Variants in CIB1 observed in about 807,000 individuals in gnomAD.
CIB1 encodes the protein calcium and integrin binding 1.
A neutral mutation model predicts 25.0 loss-of-function variants in CIB1; 19 were observed. That is an observed-to-expected ratio of 0.76 (90% CI 0.53 to 1.12). The LOEUF (loss-of-function observed/expected upper bound fraction) is 1.12, where lower values mean the gene tolerates loss of function less well. Among genes scored for constraint, CIB1 ranks in the 50% most tolerant of loss-of-function variants. The probability of loss-of-function intolerance (pLI) is 0.00; values close to 1 mark genes in which losing one functional copy is unlikely to be tolerated. For missense variants in CIB1, 236 were observed against 242.6 expected (o/e 0.97, Z 0.18); for synonymous variants, 104 against 98.5 (o/e 1.06, Z -0.33).
the CIB1 span, chr15:90,264,615 T>C: frequency 7.6e-7 from 1 of 1,319,374 alleles, no homozygotes; most frequent in African/African-American, 1.5e-5. Context: ...GAGGGAAGCA[T>C]GAGATGCCCT....
the CIB1 span, chr15:90,265,585 C>A: frequency 7.1e-7 from 1 of 1,407,122 alleles, no homozygotes; most frequent in East Asian, 2.5e-5. Context: ...AGATCTTACC[C>A]CCACCAAGTG....
At chr15:90,248,720 A>AG in the CIB1 span, among the ~76,000 whole-genome samples, 3 of 52,876 alleles carry the variant, frequency 5.7e-5, no homozygotes, top group Admixed American at 7.5e-4. Context: ...CCCTGTCTCA[A>AG]AAAAAAAAAA....
At chr15:90,244,390 G>T in the CIB1 span, 2 of 152,260 alleles carry the variant, frequency 1.3e-5, no homozygotes, top group African/African-American at 2.4e-5. Context: ...TTATCTCATT[G>T]CTTTGTTCTG....
chr15:90,242,120 A>G, the CIB1 span: 2 of 1,428,148 alleles, frequency 1.4e-6, no homozygotes, highest in South Asian at 2.7e-5. Context: ...ATAGGGTCTC[A>G]CTCTGTCCCC....
At chr15:90,241,286 C>G in the CIB1 span, 1 of 1,614,208 alleles carries the variant, frequency 6.2e-7, no homozygotes, top group Non-Finnish European at 8.5e-7. Flanking sequence ...AGTTCAACTT[C>G]AACAAGATCC....
At chr15:90,233,344 G>A (rs945832914) in intron 2 of CIB1, among the ~76,000 whole-genome samples, 23 of 152,278 alleles carry the variant, frequency 1.5e-4, no homozygotes, top group African/African-American at 5.3e-4. Flanking sequence ...CAAGGCTTCT[G>A]TGGTTTAGCC....
chr15:90,241,891 T>C, the CIB1 span: 1 of 1,614,102 alleles, frequency 6.2e-7, no homozygotes, highest in East Asian at 2.2e-5. Flanking sequence ...GGTGAAGCTT[T>C]CAATGTTGCC....
At chr15:90,264,963 G>A in the CIB1 span, 1 of 1,534,324 alleles carries the variant, frequency 6.5e-7, no homozygotes. Flanking sequence ...AATCAGTTCA[G>A]GTAAAAGCAG....
the CIB1 span, chr15:90,251,028 C>T: frequency 8.7e-7 from 1 of 1,149,692 alleles, no homozygotes; most frequent in African/African-American, 1.6e-5. Context: ...GTGTCATTAA[C>T]CCTTTGATAC....
chr15:90,263,199 C>A, the CIB1 span: 1 of 1,438,354 alleles, frequency 7.0e-7, no homozygotes, highest in South Asian at 1.4e-5. Context: ...GCTGTCATTC[C>A]AGGACATGGT....
chr15:90,241,910 G>A, the CIB1 span: 1 of 1,614,132 alleles, frequency 6.2e-7, no homozygotes, highest in Non-Finnish European at 8.5e-7. Context: ...CCCTCTGTGA[G>A]CTGGCTGGGC....
At chr15:90,248,763 A>G in the CIB1 span, among the ~76,000 whole-genome samples, 1 of 130,786 alleles carries the variant, frequency 7.6e-6, no homozygotes, top group Non-Finnish European at 1.6e-5. Flanking sequence ...AAAAAAGTCC[A>G]TGTCTTTTTA....
chr15:90,231,094 C>G lies in CIB1; in HGVS notation c.465+1G>C. The G allele has an allele frequency of 6.2e-7, 1 of 1,613,768 alleles. No homozygotes were observed. Among genetic ancestry groups the G allele is most frequent in the Non-Finnish European group, 8.5e-7 (1 of 1,179,618 alleles). The stretch of plus-strand genomic sequence containing the variant: ...GCTCCCAGGCCTGCTCAGCTGCTCA[C>G]GTTGTCGATGAGCTGCTTCATCTCA... On this transcript the variant is annotated splice_donor_variant, in intron 5 of 6. Coordinates refer to ENST00000328649, the MANE Select transcript of CIB1 (RefSeq NM_006384.4). LOFTEE classifies it high-confidence loss of function.
the CIB1 span, chr15:90,262,586 G>A: frequency 1.6e-4 from 239 of 1,534,722 alleles, no homozygotes; most frequent in Non-Finnish European, 2.0e-4. Context: ...GGGTGAATCA[G>A]CTGGGGAGAA....
chr15:90,241,654 A>C, the CIB1 span: 1 of 1,614,120 alleles, frequency 6.2e-7, no homozygotes, highest in Non-Finnish European at 8.5e-7. Flanking sequence ...CTGCTCCAGG[A>C]CCTCCCAGCT....
chr15:90,255,903 C>T, the CIB1 span: 1 of 1,614,066 alleles, frequency 6.2e-7, no homozygotes, highest in South Asian at 1.1e-5. Context: ...GGTCTGGCTT[C>T]CCATGCTGAG....
chr15:90,259,467 T>C, the CIB1 span, among the ~76,000 whole-genome samples: 2 of 152,126 alleles, frequency 1.3e-5, no homozygotes. Flanking sequence ...CCTCCCCTTC[T>C]CCTCCAGGTA....
At chr15:90,256,589 CTTTCTTTCTT>C in the CIB1 span, among the ~76,000 whole-genome samples, 16 of 34,870 alleles carry the variant, frequency 4.6e-4, 1 homozygote, top group Admixed American at 2.5e-3. Context: ...TTCTTTCTTT[CTTTCTTTCTT>C]TCTTTCTTTC....
At chr15:90,243,572 C>T in the CIB1 span, 1 of 151,512 alleles carries the variant, frequency 6.6e-6, no homozygotes, top group Non-Finnish European at 1.5e-5. Flanking sequence ...CTGTCAAACT[C>T]CTGGCCTTAA....
Sources: gnomAD v4.1 joint callset for allele counts (sites outside exome capture counted in the v4.1 genomes callset) on GRCh38, gnomAD v4.1.1 for gene constraint, MANE v1.5 for transcripts, NCBI Gene and HGNC (gene_info 2026-07-23, HGNC 2026-07-21) for gene names.